Variants in CACNA2D1 observed in about 807,000 individuals in gnomAD.
CACNA2D1 encodes the protein voltage-dependent calcium channel subunit alpha-2/delta-1.
CACNA2D1 carries 53 observed loss-of-function variants against 171.5 expected under a neutral mutation model. That is an observed-to-expected ratio of 0.31 (90% CI 0.25 to 0.39). CACNA2D1 has a LOEUF of 0.39. CACNA2D1 is among the 10% of genes least tolerant of loss of function. CACNA2D1 has a pLI of 1.00. For synonymous variants in CACNA2D1, 442 were observed against 443.1 expected (o/e 1.00, Z 0.03); for missense variants, 903 against 1,299.8 (o/e 0.69, Z 4.69).
intron 3 of CACNA2D1, among the ~76,000 whole-genome samples, chr7:82,179,619 C>T (rs2129166757): frequency 1.3e-5 from 2 of 152,232 alleles, no homozygotes; most frequent in East Asian, 3.9e-4. Flanking sequence ...CGCTCCTTTA[C>T]ATATCTAGCA....
At chr7:82,121,641 A>C (rs1374133701) in intron 5 of CACNA2D1, among the ~76,000 whole-genome samples, 2 of 152,234 alleles carry the variant, frequency 1.3e-5, no homozygotes, top group African/African-American at 4.8e-5. Context: ...TAGAAAGTGT[A>C]TGAGTTGGAT....
intron 1 of CACNA2D1, among the ~76,000 whole-genome samples, chr7:82,406,231 T>C (rs1429767332): frequency 6.6e-6 from 1 of 152,232 alleles, no homozygotes; most frequent in African/African-American, 2.4e-5. Context: ...CTCATCATTT[T>C]TTATGGCTGC....
intron 3 of CACNA2D1, among the ~76,000 whole-genome samples, chr7:82,181,118 G>A (rs566691222): frequency 6.0e-5 from 7 of 115,742 alleles, no homozygotes; most frequent in Non-Finnish European, 1.1e-4. Context: ...TATCAAAAAC[G>A]ACTACGAGGG....
intron 3 of CACNA2D1, among the ~76,000 whole-genome samples, chr7:82,317,223 A>C (rs546116606): frequency 6.6e-6 from 1 of 152,290 alleles, no homozygotes; most frequent in African/African-American, 2.4e-5. Context: ...TTTCTTTTTA[A>C]AATGCTGTCA....
intron 4 of CACNA2D1, among the ~76,000 whole-genome samples, chr7:82,138,329 A>G (rs779974655): frequency 2.0e-5 from 3 of 152,144 alleles, no homozygotes; most frequent in Admixed American, 1.3e-4. Context: ...GAATCACTAA[A>G]GTTTTACATT....
At chr7:82,120,013 T>A (rs1789526253) in intron 5 of CACNA2D1, among the ~76,000 whole-genome samples, 1 of 152,096 alleles carries the variant, frequency 6.6e-6, no homozygotes, top group South Asian at 2.1e-4. Context: ...GAGGCCCTCA[T>A]CTCTACAAAA....
intron 1 of CACNA2D1, among the ~76,000 whole-genome samples, chr7:82,397,029 C>T (rs1825817878): frequency 1.3e-5 from 2 of 152,232 alleles, no homozygotes; most frequent in East Asian, 1.9e-4. Flanking sequence ...ATGTCTTTCA[C>T]CTGTTTCTAG....
intron 3 of CACNA2D1, among the ~76,000 whole-genome samples, chr7:82,178,620 T>C (rs1796800203): frequency 6.6e-6 from 1 of 152,088 alleles, no homozygotes; most frequent in African/African-American, 2.4e-5. Context: ...TTTCCATAGA[T>C]AAACCTTGAA....
chr7:82,258,821 T>TTTTTC (rs1445560736), intron 3 of CACNA2D1, among the ~76,000 whole-genome samples: 4 of 113,122 alleles, frequency 3.5e-5, no homozygotes, highest in African/African-American at 1.5e-4. Flanking sequence ...ACTTTTCTTT[T>TTTTTC]TTTTTTTTTT....
chr7:82,064,707 A>T, intron 8 of CACNA2D1, among the ~76,000 whole-genome samples: 1 of 152,196 alleles, frequency 6.6e-6, no homozygotes, highest in East Asian at 1.9e-4. Flanking sequence ...TGAAAAATAG[A>T]CTATCATATT....
chr7:82,412,552 G>C (rs527241888), intron 1 of CACNA2D1, among the ~76,000 whole-genome samples: 171 of 151,944 alleles, frequency 1.1e-3, no homozygotes, highest in Admixed American at 4.1e-3. Flanking sequence ...CAAAGTTCTG[G>C]GATTACAGGC....
intron 1 of CACNA2D1, among the ~76,000 whole-genome samples, chr7:82,355,208 T>C (rs1820284716): frequency 6.6e-6 from 1 of 152,052 alleles, no homozygotes; most frequent in African/African-American, 2.4e-5. Context: ...TCTAAGAAAG[T>C]TTAATAGTTT....
chr7:82,441,475 A>G (rs1011586691), intron 1 of CACNA2D1, among the ~76,000 whole-genome samples: 7 of 152,164 alleles, frequency 4.6e-5, no homozygotes, highest in African/African-American at 1.7e-4. Flanking sequence ...AGAAATTGTG[A>G]TGTCCTACTT....
chr7:82,201,174 T>C (rs990341115), intron 3 of CACNA2D1, among the ~76,000 whole-genome samples: 6 of 152,138 alleles, frequency 3.9e-5, no homozygotes, highest in Non-Finnish European at 7.3e-5. Flanking sequence ...ACAGATCTTA[T>C]TTGCACTAAG....
At chr7:82,279,939 T>TTAGGTCC (rs1450540087) in intron 3 of CACNA2D1, among the ~76,000 whole-genome samples, 2 of 152,148 alleles carry the variant, frequency 1.3e-5, no homozygotes, top group Non-Finnish European at 2.9e-5. Context: ...TGATCAAAAC[T>TTAGGTCC]AATTGGACCT....
intron 3 of CACNA2D1, among the ~76,000 whole-genome samples, chr7:82,332,845 A>T (rs1024326900): frequency 2.0e-5 from 3 of 152,114 alleles, no homozygotes; most frequent in Non-Finnish European, 4.4e-5. Context: ...ACAAAAAATT[A>T]AAAAATAGCC....
intron 5 of CACNA2D1, among the ~76,000 whole-genome samples, chr7:82,128,222 G>T (rs920692762): frequency 1.3e-5 from 2 of 151,858 alleles, no homozygotes; most frequent in African/African-American, 4.8e-5. Context: ...GCACCACAAC[G>T]CCTGGCCGCT....
At chr7:82,256,213 G>A (rs1377370784) in intron 3 of CACNA2D1, among the ~76,000 whole-genome samples, 1 of 152,160 alleles carries the variant, frequency 6.6e-6, no homozygotes, top group Non-Finnish European at 1.5e-5. Flanking sequence ...AGAATTGCTT[G>A]AACCTTGGAG....
At chr7:82,319,804 G>A (rs1162468850) in intron 3 of CACNA2D1, among the ~76,000 whole-genome samples, 2 of 152,216 alleles carry the variant, frequency 1.3e-5, no homozygotes, top group African/African-American at 4.8e-5. Context: ...GGGGAGTAAT[G>A]AGTCCTGAGA....
Sources: allele counts gnomAD v4.1 joint callset (sites outside exome capture counted in the v4.1 genomes callset), GRCh38; gene constraint gnomAD v4.1.1; transcripts MANE v1.5; gene names NCBI Gene and HGNC (gene_info 2026-07-23, HGNC 2026-07-21).